Variants in CALCRL observed in about 807,000 individuals in gnomAD.
CALCRL encodes the protein calcitonin receptor like receptor.
CALCRL carries 27 observed loss-of-function variants against 60.4 expected under a neutral mutation model. The ratio of observed to expected loss-of-function variants is 0.45; its 90% CI spans 0.33 to 0.62. The LOEUF (loss-of-function observed/expected upper bound fraction) is 0.62, where lower values mean the gene tolerates loss of function less well. CALCRL is among the 20% of genes least tolerant of loss of function. The pLI, the probability that CALCRL is intolerant of heterozygous loss-of-function variation, is 0.03. For missense variants in CALCRL, 424 were observed against 540.7 expected (o/e 0.78, Z 2.14); for synonymous variants, 190 against 182.6 (o/e 1.04, Z -0.33).
At chr2:187,394,090 G>A (rs1427113336) in intron 1 of CALCRL, among the ~76,000 whole-genome samples, 2 of 152,046 alleles carry the variant, frequency 1.3e-5, no homozygotes, top group East Asian at 1.9e-4. Flanking sequence ...AAAGGGTGAA[G>A]GGTCAAAGAG....
chr2:187,398,598 G>C (rs17882485), intron 1 of CALCRL, among the ~76,000 whole-genome samples: 40,546 of 151,338 alleles, frequency 0.27, 6,130 homozygotes, highest in Non-Finnish European at 0.33. Flanking sequence ...CCTCCCTCTT[G>C]ATCACTGAAG....
At chr2:187,414,647 C>T (rs951382020) in intron 1 of CALCRL, among the ~76,000 whole-genome samples, 3 of 152,062 alleles carry the variant, frequency 2.0e-5, no homozygotes, top group Non-Finnish European at 4.4e-5. Flanking sequence ...ATGCCATCTT[C>T]TATCTTTATG....
chr2:187,366,185 G>T (rs952940898), intron 8 of CALCRL, among the ~76,000 whole-genome samples: 2 of 143,560 alleles, frequency 1.4e-5, no homozygotes, highest in Non-Finnish European at 3.0e-5. Context: ...GGAGCTTGCA[G>T]TGAGCCGAGA....
chr2:187,411,976 C>CT (rs1219412394), intron 1 of CALCRL, among the ~76,000 whole-genome samples: 13 of 87,232 alleles, frequency 1.5e-4, no homozygotes, highest in Non-Finnish European at 2.0e-4. Flanking sequence ...GAGACTCTGT[C>CT]TCAAAAAAAA....
intron 1 of CALCRL, chr2:187,415,642 G>C (rs1689570520): frequency 3.2e-6 from 2 of 616,850 alleles, no homozygotes; most frequent in Admixed American, 2.1e-5. Flanking sequence ...GGCATCGGAG[G>C]GCCCCCTCAA....
Position 187,345,943 on chromosome 2 carries a change from T to C in CALCRL, c.*241A>G, listed in dbSNP as rs112380150. 5.7e-3 allele frequency: 1,982 copies of C among 348,634 alleles called. 38 individuals are homozygous for C. The highest frequency in any genetic ancestry group is 0.038 in the African/African-American group (1,813 of 47,190). The allele number at this position is 348,634 out of a possible 1,614,324, so 21.6% of individuals were successfully genotyped here. On this transcript the variant is annotated 3_prime_UTR_variant, in exon 15 of 15. Coordinates refer to ENST00000392370, the MANE Select transcript of CALCRL (RefSeq NM_005795.6). ...TCCACACTTGGTGATGTCAGGTTAG[T>C]AGCGTCACATCAGGCATAGTGGGAG...
chr2:187,443,347 A>C (rs996803504), intron 1 of CALCRL, among the ~76,000 whole-genome samples: 10 of 151,834 alleles, frequency 6.6e-5, no homozygotes, highest in Non-Finnish European at 1.2e-4. Flanking sequence ...TATGTACTAA[A>C]TGCCAAGTGC....
At chr2:187,409,957 A>T (rs1689287351) in intron 1 of CALCRL, among the ~76,000 whole-genome samples, 1 of 152,200 alleles carries the variant, frequency 6.6e-6, no homozygotes, top group Admixed American at 6.6e-5. Flanking sequence ...TGGAAGATGC[A>T]GGGACCACAC....
At chr2:187,437,322 C>T (rs1163294437) in intron 1 of CALCRL, among the ~76,000 whole-genome samples, 4 of 138,504 alleles carry the variant, frequency 2.9e-5, no homozygotes, top group Non-Finnish European at 4.9e-5. Flanking sequence ...GCAGGCTGAT[C>T]ACGAGATCAG....
At chr2:187,361,470 G>C (rs543751569) in intron 9 of CALCRL, among the ~76,000 whole-genome samples, 1 of 151,892 alleles carries the variant, frequency 6.6e-6, no homozygotes, top group East Asian at 1.9e-4. Context: ...TACATGACCT[G>C]TTACTCCTAT....
intron 1 of CALCRL, among the ~76,000 whole-genome samples, chr2:187,412,273 T>G (rs780398507): frequency 1.1e-4 from 16 of 152,142 alleles, no homozygotes; most frequent in Non-Finnish European, 1.8e-4. Flanking sequence ...TGTCATTTCT[T>G]AAAATCCATA....
intron 1 of CALCRL, chr2:187,415,637 C>T (rs982502940): frequency 6.5e-5 from 40 of 616,038 alleles, no homozygotes; most frequent in Non-Finnish European, 1.2e-4. Flanking sequence ...AACCAGGCAT[C>T]GGAGGGCCCC....
intron 1 of CALCRL, among the ~76,000 whole-genome samples, chr2:187,389,287 G>T (rs1401873399): frequency 6.6e-6 from 1 of 151,986 alleles, no homozygotes; most frequent in East Asian, 1.9e-4. Flanking sequence ...TGGCCAGGCT[G>T]GTCGCAAACT....
At chr2:187,378,130 G>C (rs1474618125) in intron 8 of CALCRL, among the ~76,000 whole-genome samples, 1 of 151,538 alleles carries the variant, frequency 6.6e-6, no homozygotes, top group Non-Finnish European at 1.5e-5. Context: ...CAAGAAGAAG[G>C]AGAAGGAGAA....
At chr2:187,364,593 CTT>C (rs1351694873) in intron 8 of CALCRL, among the ~76,000 whole-genome samples, 1 of 152,014 alleles carries the variant, frequency 6.6e-6, no homozygotes, top group Non-Finnish European at 1.5e-5. Flanking sequence ...CACTAAATCT[CTT>C]TATCTTAAAT....
chr2:187,347,904 T>TTGCAA (rs1686354527), intron 14 of CALCRL, among the ~76,000 whole-genome samples: 1 of 151,756 alleles, frequency 6.6e-6, no homozygotes, highest in South Asian at 2.1e-4. Flanking sequence ...TACTATATAG[T>TTGCAA]TCAAAAATTA....
intron 1 of CALCRL, 110 bp from the exon 2 acceptor site, chr2:187,387,866 T>C (rs1688272051): frequency 2.7e-6 from 1 of 368,208 alleles, no homozygotes; most frequent in Non-Finnish European, 4.8e-6. Flanking sequence ...CATATTTTTA[T>C]TGAACAATTC....
chr2:187,412,231 C>T (rs562043597), intron 1 of CALCRL, among the ~76,000 whole-genome samples: 19 of 152,190 alleles, frequency 1.2e-4, no homozygotes, highest in African/African-American at 4.3e-4. Flanking sequence ...CTTACATTTC[C>T]TATTTCCACT....
At chr2:187,371,099 G>A (rs1260751900) in intron 8 of CALCRL, among the ~76,000 whole-genome samples, 1 of 151,974 alleles carries the variant, frequency 6.6e-6, no homozygotes, top group Non-Finnish European at 1.5e-5. Context: ...AAAAGTAGCC[G>A]GGCATGGTGG....
Sources: gnomAD v4.1 joint callset for allele counts (sites outside exome capture counted in the v4.1 genomes callset) on GRCh38, gnomAD v4.1.1 for gene constraint, MANE v1.5 for transcripts, NCBI Gene and HGNC (gene_info 2026-07-23, HGNC 2026-07-21) for gene names.